SPOCK3: variants seen among roughly 807,000 people sequenced by gnomAD.
The protein encoded by SPOCK3 is SPARC (osteonectin), cwcv and kazal like domains proteoglycan 3.
A neutral mutation model predicts 56.6 loss-of-function variants in SPOCK3; 30 were observed. That is an observed-to-expected ratio of 0.53 (90% CI 0.40 to 0.72). SPOCK3 has a LOEUF of 0.72. Among genes scored for constraint, SPOCK3 ranks in the 30% least tolerant of loss-of-function variants. SPOCK3 has a pLI of 0.00. For missense variants in SPOCK3, 527 were observed against 530.0 expected (o/e 0.99, Z 0.06); for synonymous variants, 196 against 183.3 (o/e 1.07, Z -0.56).
At chr4:167,009,260 G>T (rs1749782136) in intron 3 of SPOCK3, among the ~76,000 whole-genome samples, 1 of 151,992 alleles carries the variant, frequency 6.6e-6, no homozygotes, top group African/African-American at 2.4e-5. Context: ...CTGTTCTCTT[G>T]GGTAATGCAA....
chr4:167,004,538 AT>A (rs200733821), intron 3 of SPOCK3, among the ~76,000 whole-genome samples: 1,938 of 152,216 alleles, frequency 0.013, 20 homozygotes, highest in Non-Finnish European at 0.019. Flanking sequence ...ATGATTATTT[AT>A]TGCAGAAAGA....
intron 4 of SPOCK3, among the ~76,000 whole-genome samples, chr4:166,974,890 T>C (rs1745774484): frequency 6.6e-6 from 1 of 152,238 alleles, no homozygotes; most frequent in Admixed American, 6.5e-5. Context: ...TGTAACATTA[T>C]TGAAAGGTTG....
Position 167,191,216 on chromosome 4 carries a change from T to C in SPOCK3, c.189+42769A>G, listed in dbSNP as rs1732448622. On this transcript the variant is annotated intron_variant, in intron 2 of 10. Coordinates refer to ENST00000357545, the MANE Select transcript of SPOCK3 (RefSeq NM_001040159.2). The stretch of plus-strand genomic sequence containing the variant: ...GATTGCATTAAATCTATAATTAACA[T>C]TGATTGTATGGATATTTTAAATTTT... Among the ~76,000 whole-genome samples the C allele has an allele frequency of 1.4e-5, 2 of 145,836 alleles. 1 individual carries two copies. The highest frequency in any genetic ancestry group is 5.2e-5 in the African/African-American group (2 of 38,320).
intron 2 of SPOCK3, among the ~76,000 whole-genome samples, chr4:167,159,342 G>A (rs1034977900): frequency 2.8e-4 from 42 of 151,880 alleles, no homozygotes; most frequent in African/African-American, 7.7e-4. Flanking sequence ...AATATCAGAA[G>A]CAGAAGTTTC....
intron 2 of SPOCK3, among the ~76,000 whole-genome samples, chr4:167,199,625 C>T (rs550798654): frequency 6.6e-6 from 1 of 151,158 alleles, no homozygotes; most frequent in Non-Finnish European, 1.5e-5. Flanking sequence ...AGAATAGCCC[C>T]CAGGAAAACT....
intron 7 of SPOCK3, among the ~76,000 whole-genome samples, chr4:166,785,180 A>T (rs1457403572): frequency 2.0e-5 from 3 of 152,062 alleles, no homozygotes; most frequent in Non-Finnish European, 2.9e-5. Flanking sequence ...ATATTTTAAG[A>T]TTTTTACCAT....
At chr4:166,925,143 A>G (rs1355575733) in intron 4 of SPOCK3, among the ~76,000 whole-genome samples, 1 of 152,232 alleles carries the variant, frequency 6.6e-6, no homozygotes, top group African/African-American at 2.4e-5. Flanking sequence ...CAGGCAATAC[A>G]TAAGCAAGTA....
intron 5 of SPOCK3, among the ~76,000 whole-genome samples, chr4:166,900,930 G>C (rs1475108320): frequency 1.3e-5 from 2 of 152,166 alleles, no homozygotes; most frequent in Non-Finnish European, 2.9e-5. Context: ...ACATTCATGA[G>C]CTTTTGTTTT....
chr4:167,199,225 TTGTGTGTGTGTG>T (rs58765976), intron 2 of SPOCK3, among the ~76,000 whole-genome samples: 25 of 142,062 alleles, frequency 1.8e-4, no homozygotes, highest in South Asian at 6.9e-4. Flanking sequence ...AAATATTTGT[TTGTGTGTGTGTG>T]TGTGTGTGTG....
At chr4:167,160,813 G>T (rs988019245) in intron 2 of SPOCK3, among the ~76,000 whole-genome samples, 5 of 152,128 alleles carry the variant, frequency 3.3e-5, no homozygotes, top group African/African-American at 1.2e-4. Context: ...TTAATAAATG[G>T]TGCTGGGCAA....
At chr4:166,747,908 C>G (rs1284917063) in intron 8 of SPOCK3, among the ~76,000 whole-genome samples, 1 of 151,884 alleles carries the variant, frequency 6.6e-6, no homozygotes, top group Non-Finnish European at 1.5e-5. Context: ...GAATAAAATA[C>G]CTAGGAATCC....
intron 6 of SPOCK3, among the ~76,000 whole-genome samples, chr4:166,860,802 C>CATATATATATATATATATATATATGT: frequency 9.8e-6 from 1 of 101,938 alleles, no homozygotes; most frequent in East Asian, 2.6e-4. Context: ...CACACAAATT[C>CATATATATATATATATATATATATGT]ATATATATAT....
At chr4:166,859,425 G>C (rs1714986846) in intron 6 of SPOCK3, among the ~76,000 whole-genome samples, 1 of 152,092 alleles carries the variant, frequency 6.6e-6, no homozygotes, top group Admixed American at 6.6e-5. Context: ...AAGTCAACTT[G>C]AGTTTAAAAT....
intron 2 of SPOCK3, among the ~76,000 whole-genome samples, chr4:167,110,110 T>G (rs1760775465): frequency 6.6e-6 from 1 of 152,040 alleles, no homozygotes; most frequent in African/African-American, 2.4e-5. Flanking sequence ...TTGCATGTAG[T>G]TGGAGGGAAG....
chr4:166,764,100 T>G (rs1229175271), intron 7 of SPOCK3, among the ~76,000 whole-genome samples: 2 of 152,060 alleles, frequency 1.3e-5, no homozygotes, highest in Non-Finnish European at 2.9e-5. Flanking sequence ...CATCCATACT[T>G]CTAGGCTTGT....
intron 8 of SPOCK3, among the ~76,000 whole-genome samples, chr4:166,752,568 AT>A (rs991336846): frequency 2.3e-4 from 1 of 4,386 alleles, no homozygotes; most frequent in African/African-American, 1.8e-3. Context: ...ATATATATAT[AT>A]ATATACACAC....
At chr4:166,849,004 G>C (rs900258217) in intron 6 of SPOCK3, among the ~76,000 whole-genome samples, 1 of 152,042 alleles carries the variant, frequency 6.6e-6, no homozygotes, top group Non-Finnish European at 1.5e-5. Flanking sequence ...AATCGTGTAA[G>C]TAAAGAAGCC....
intron 6 of SPOCK3, among the ~76,000 whole-genome samples, chr4:166,857,929 T>C (rs961671741): frequency 1.3e-4 from 20 of 152,226 alleles, no homozygotes; most frequent in African/African-American, 4.3e-4. Context: ...AACATTACAA[T>C]GGAATAAATT....
At chr4:166,938,751 C>G (rs1474110153) in intron 4 of SPOCK3, among the ~76,000 whole-genome samples, 1 of 151,908 alleles carries the variant, frequency 6.6e-6, no homozygotes, top group Non-Finnish European at 1.5e-5. Context: ...CAGTCACACT[C>G]TAGTTAAATA....
Sources: allele counts gnomAD v4.1 joint callset (sites outside exome capture counted in the v4.1 genomes callset), GRCh38; gene constraint gnomAD v4.1.1; transcripts MANE v1.5; gene names NCBI Gene and HGNC (gene_info 2026-07-23, HGNC 2026-07-21).